Variants in MRGPRX3 observed in about 807,000 individuals in gnomAD.
MRGPRX3 encodes MAS related GPR family member X3.
MRGPRX3 carries 14 observed loss-of-function variants against 16.5 expected under a neutral mutation model. The observed-to-expected ratio is 0.85, with a 90% confidence interval of 0.56 to 1.33. MRGPRX3 has a LOEUF of 1.33. Among genes scored for constraint, MRGPRX3 ranks in the 40% most tolerant of loss-of-function variants. The pLI, the probability that MRGPRX3 is intolerant of heterozygous loss-of-function variation, is 0.00. For synonymous variants in MRGPRX3, 199 were observed against 180.1 expected, an observed-to-expected ratio of 1.10 and a Z score of -0.84; for missense variants, 449 against 413.0, an observed-to-expected ratio of 1.09 and a Z score of -0.76.
At chr11:18,129,590 C>G (rs984196129), upstream of MRGPRX3, among the ~76,000 whole-genome samples, 1 of 152,136 alleles carries the variant, frequency 6.6e-6, no homozygotes, top group African/African-American at 2.4e-5. Context: ...GTATTCACAG[C>G]TGAATTCTAT....
At chr11:18,122,143 CA>C (rs961719408) in intron 1 of MRGPRX3, among the ~76,000 whole-genome samples, 7 of 147,254 alleles carry the variant, frequency 4.8e-5, no homozygotes, top group African/African-American at 1.7e-4. Context: ...ATCTGCATTG[CA>C]AAAAAACCTG....
intron 1 of MRGPRX3, among the ~76,000 whole-genome samples, chr11:18,123,303 G>C (rs569046790): frequency 1.3e-5 from 2 of 152,176 alleles, no homozygotes; most frequent in East Asian, 1.9e-4. Context: ...TTTTCTTCTA[G>C]GGTTTTTATG....
upstream of MRGPRX3, among the ~76,000 whole-genome samples, chr11:18,131,291 C>T (rs2124378): frequency 0.5 from 76,020 of 151,914 alleles, 22,649 homozygotes; most frequent in East Asian, 0.82. Context: ...AGCATCTGAC[C>T]AAGGACTAAT....
At chr11:18,129,299 C>T (rs1848936040), upstream of MRGPRX3, among the ~76,000 whole-genome samples, 1 of 152,024 alleles carries the variant, frequency 6.6e-6, no homozygotes, top group Non-Finnish European at 1.5e-5. Flanking sequence ...GCAAGGTTAA[C>T]CAAGAAAAGA....
upstream of MRGPRX3, among the ~76,000 whole-genome samples, chr11:18,129,119 T>G (rs746953081): frequency 6.6e-6 from 1 of 152,084 alleles, no homozygotes; most frequent in Non-Finnish European, 1.5e-5. Context: ...CAATCTGAAG[T>G]CACATCTCAA....
At chr11:18,130,329 A>G (rs1848948646), upstream of MRGPRX3, among the ~76,000 whole-genome samples, 1 of 152,232 alleles carries the variant, frequency 6.6e-6, no homozygotes, top group East Asian at 1.9e-4. Context: ...AATTCAGTAA[A>G]GTTTCAGGAT....
upstream of MRGPRX3, among the ~76,000 whole-genome samples, chr11:18,132,017 A>G (rs1848965170): frequency 6.6e-6 from 1 of 152,204 alleles, no homozygotes; most frequent in Non-Finnish European, 1.5e-5. Flanking sequence ...GAACTTATCC[A>G]TGGAAGCAAA....
At position 18,137,376 on chromosome 11, in the gene MRGPRX3, G is replaced by C; in HGVS notation, c.174G>C (p.Arg58Ser). 6.2e-7 allele frequency: 1 copy of C among 1,614,180 alleles called. No homozygotes were observed. Among genetic ancestry groups the C allele is most frequent in the Non-Finnish European group, 8.5e-7 (1 of 1,180,036 alleles). Reference sequence around the variant, plus strand: ...GGCTCCTGGGCTGCCGCATGCGCAGGAACGCTGTCTCCATCTACATCCTCA... The same window carrying C: ...GGCTCCTGGGCTGCCGCATGCGCAGCAACGCTGTCTCCATCTACATCCTCA... Reference protein sequence around the residue: ...VLWLLGCRMRRNAVSIYILNL... With the variant: ...VLWLLGCRMRSNAVSIYILNL... Residue 58 changes from arginine (R) to serine (S), a missense_variant, in exon 2 of 2, where the codon AGG (arginine) becomes AGC (serine). Arg to Ser is a moderately radical substitution (Grantham distance 110, BLOSUM62 -1). Coordinates refer to ENST00000621697, the MANE Select transcript of MRGPRX3 (RefSeq NM_001370464.1).
At chr11:18,124,987 T>C (rs1184503515) in intron 1 of MRGPRX3, among the ~76,000 whole-genome samples, 2 of 152,256 alleles carry the variant, frequency 1.3e-5, no homozygotes, top group African/African-American at 4.8e-5. Flanking sequence ...GAGGTGTTTA[T>C]AGTATTCTCT....
At position 18,138,358 on chromosome 11, in the gene MRGPRX3, G is replaced by A. The variant is rs1849035120; in HGVS notation, c.*187G>A. ...ACCCATGGAAAGCATTAGTCTGACA[G>A]TACAATGTTTGGATTCTCCTTGATA... On this transcript the variant is annotated 3_prime_UTR_variant, in exon 2 of 2. Coordinates refer to ENST00000621697, the MANE Select transcript of MRGPRX3 (RefSeq NM_001370464.1). The A allele has an allele frequency of 2.4e-6, 2 of 838,898 alleles. No individual in the cohort carries two copies. The highest frequency in any genetic ancestry group is 3.6e-6 in the Non-Finnish European group (2 of 557,576). The allele number at this position is 838,898 out of a possible 1,614,324, so 52.0% of individuals were successfully genotyped here. A position where few individuals can be genotyped will look rare whatever the true frequency, so the allele number is the denominator to read the frequency against.
At chr11:18,133,947 C>G (rs1848984864) in intron 1 of MRGPRX3, among the ~76,000 whole-genome samples, 1 of 152,152 alleles carries the variant, frequency 6.6e-6, no homozygotes, top group African/African-American at 2.4e-5. Context: ...AAGCCACTCT[C>G]TTGGGATGTC....
chr11:18,130,997 C>T (rs1163695166), upstream of MRGPRX3, among the ~76,000 whole-genome samples: 1 of 152,076 alleles, frequency 6.6e-6, no homozygotes, highest in Non-Finnish European at 1.5e-5. Flanking sequence ...AAGAATGAAA[C>T]TGGATCCTTG....
upstream of MRGPRX3, among the ~76,000 whole-genome samples, chr11:18,128,251 C>T (rs141042969): frequency 0.082 from 12,458 of 152,286 alleles, 533 homozygotes; most frequent in Middle Eastern, 0.13. Flanking sequence ...AGGCAGTCTG[C>T]CTTTTCTCAG....
At chr11:18,122,011 AAAAAAAAG>A (rs1043950618) in intron 1 of MRGPRX3, among the ~76,000 whole-genome samples, 6 of 71,990 alleles carry the variant, frequency 8.3e-5, no homozygotes, top group Non-Finnish European at 1.6e-4. Context: ...ATAAAATTTA[AAAAAAAAG>A]AAAAAAAGAA....
chr11:18,121,619 G>A (rs1444041965), intron 1 of MRGPRX3, among the ~76,000 whole-genome samples: 1 of 152,264 alleles, frequency 6.6e-6, no homozygotes, highest in Non-Finnish European at 1.5e-5. Flanking sequence ...GTGGAAAGAA[G>A]TAGACATGGG....
chr11:18,130,526 A>G (rs1848950279), upstream of MRGPRX3, among the ~76,000 whole-genome samples: 1 of 152,222 alleles, frequency 6.6e-6, no homozygotes, highest in African/African-American at 2.4e-5. Context: ...TAGATGACAC[A>G]AACAAGTGGA....
Position 18,137,534 on chromosome 11 carries a change from G to A in MRGPRX3, c.332G>A (p.Ser111Asn). The A allele has an allele frequency of 6.2e-7, 1 of 1,614,082 alleles. No individual in the cohort carries two copies. The highest frequency in any genetic ancestry group is 8.5e-7 in the Non-Finnish European group (1 of 1,180,026). The part of the protein sequence containing the change: ...VMTFPYFIGL[S>N]MLSAISTERC... ...ACCTTTCCCTACTTTATAGGCCTAA[G>A]CATGCTGAGCGCCATCAGCACCGAG... The change falls in exon 2 of 2, where the codon AGC becomes AAC. Residue 111 changes from serine to asparagine, a missense_variant. By Grantham distance (46) the Ser-to-Asn change is conservative. Coordinates refer to ENST00000621697, the MANE Select transcript of MRGPRX3 (RefSeq NM_001370464.1).
Position 18,137,415 on chromosome 11 carries a change from C to A in MRGPRX3, c.213C>A (p.Ala71=), listed in dbSNP as rs147032356. 7.4e-6 allele frequency: 12 copies of A among 1,614,174 alleles called. No homozygotes were observed. Among genetic ancestry groups the A allele is most frequent in the African/African-American group, 6.7e-5 (5 of 75,048 alleles). ...VSIYILNLVA[A]DFLFLSGHII... is the part of the protein sequence containing the mutation. ...TCTACATCCTCAACCTGGTCGCGGC[C>A]GACTTCCTCTTCCTTAGCGGCCACA... Residue 71 remains alanine (A), a synonymous_variant, in exon 2 of 2, where the codon GCC becomes GCA. Coordinates refer to ENST00000621697, the MANE Select transcript of MRGPRX3 (RefSeq NM_001370464.1).
chr11:18,127,352 A>T (rs548031802), intron 1 of MRGPRX3, among the ~76,000 whole-genome samples: 1 of 152,156 alleles, frequency 6.6e-6, no homozygotes, highest in Non-Finnish European at 1.5e-5. Flanking sequence ...CCTGGATAAT[A>T]TCCTGCAGAG....
Sources: allele counts gnomAD v4.1 joint callset (sites outside exome capture counted in the v4.1 genomes callset), GRCh38; gene constraint gnomAD v4.1.1; transcripts MANE v1.5; gene names NCBI Gene and HGNC (gene_info 2026-07-23, HGNC 2026-07-21).